The following CYP2B6 variants were observed in gnomAD, a reference collection of about 807,000 sequenced individuals.
CYP2B6 encodes the protein cytochrome P450 family 2 subfamily B member 6, also known as cytochrome P450 2B6.
In CYP2B6, 35 loss-of-function variants were observed where a neutral mutation model predicts 43.4. The observed-to-expected ratio is 0.81, with a 90% CI of 0.62 to 1.07. The LOEUF is 1.07. Among genes scored for constraint, CYP2B6 ranks in the 50% least tolerant of loss-of-function variants. CYP2B6 has a pLI of 0.00. For synonymous variants in CYP2B6, 239 were observed against 239.2 expected (o/e 1.00, Z 0.01); for missense variants, 624 against 632.8 (o/e 0.99, Z 0.15).
At chr19:41,014,210 C>T (rs1006236081) in intron 8 of CYP2B6, among the ~76,000 whole-genome samples, 3 of 152,254 alleles carry the variant, frequency 2.0e-5, no homozygotes, top group African/African-American at 4.8e-5. Flanking sequence ...AGTACAGTGA[C>T]CTCCTTCCAC....
At chr19:41,014,655 C>T (rs1969333738) in intron 8 of CYP2B6, among the ~76,000 whole-genome samples, 2 of 151,882 alleles carry the variant, frequency 1.3e-5, no homozygotes, top group Admixed American at 6.6e-5. Flanking sequence ...AGGACAGAGA[C>T]AGATAAGTAA....
At chr19:41,009,686 G>A (rs1448190302) in intron 5 of CYP2B6, 7 of 600,282 alleles carry the variant, frequency 1.2e-5, no homozygotes, top group Middle Eastern at 8.9e-4. Flanking sequence ...GGAATTCGGG[G>A]CAAGGGACAA....
chr19:40,999,525 G>T (rs1484002167), intron 1 of CYP2B6, among the ~76,000 whole-genome samples: 2 of 151,992 alleles, frequency 1.3e-5, no homozygotes, highest in Non-Finnish European at 1.5e-5. Flanking sequence ...GTAATGCCTA[G>T]GTTTTCTTCT....
In CYP2B6 at chr19:41,012,473, C is replaced by T. The variant is rs374509631; in HGVS notation, c.1140C>T (p.Tyr380=). ...CCCAACACACCAGCTTCCGAGGGTA[C>T]ATCATCCCCAAGGTAAGACCGGCTG... The part of the protein sequence containing the change: ...IVTQHTSFRG[Y]IIPKDTEVFL... The change falls in exon 7 of 9, where the codon TAC becomes TAT. Residue 380 remains tyrosine (Y), a synonymous_variant. Transcript: ENST00000324071. 123 of 1,614,002 alleles carry T rather than the reference C, an allele frequency of 7.6e-5. No homozygotes were observed. Among genetic ancestry groups the T allele is most frequent in the Non-Finnish European group, 1.0e-4 (120 of 1,179,976 alleles).
intron 1 of CYP2B6, among the ~76,000 whole-genome samples, chr19:40,992,416 T>A (rs1469241988): frequency 2.6e-5 from 4 of 152,082 alleles, no homozygotes; most frequent in African/African-American, 9.7e-5. Context: ...CAATGGACAA[T>A]GTCAACGTAG....
At chr19:41,002,610 C>A (rs1204624203) in intron 1 of CYP2B6, among the ~76,000 whole-genome samples, 1 of 152,100 alleles carries the variant, frequency 6.6e-6, no homozygotes, top group Non-Finnish European at 1.5e-5. Flanking sequence ...TGCAGTGGCA[C>A]TATCTCGCCT....
chr19:41,009,861 A>C, intron 5 of CYP2B6, 133 bp from the exon 6 acceptor site: 6 of 982,336 alleles, frequency 6.1e-6, no homozygotes, highest in Non-Finnish European at 6.3e-6. Context: ...TGTAGAGGAC[A>C]GAGAAAAGCA....
chr19:41,012,581 C>G, intron 7 of CYP2B6, 93 bp from the exon 8 acceptor site: 1 of 1,609,294 alleles, frequency 6.2e-7, no homozygotes, highest in Non-Finnish European at 8.5e-7. Context: ...TAATTGAGTC[C>G]CGTTGTTTTT....
At position 41,000,224 on chromosome 19, in the gene CYP2B6, A is replaced by G. The variant is rs771185088; in HGVS notation, c.172-3777A>G. On this transcript the variant is annotated intron_variant, in intron 1 of 8. Transcript: ENST00000324071. ...CCAGGTCCCCATCATATGCTCTCAT[A>G]CACCAGCTGCCCCTCCTTACTGAGC... Among the ~76,000 whole-genome samples, 4 of 152,072 alleles carry G rather than the reference A, an allele frequency of 2.6e-5. No individual in the cohort carries two copies. In the South Asian group the frequency reaches 8.3e-4, roughly 32 times the overall value.
intron 8 of CYP2B6, 79 bp downstream of exon 8, chr19:41,012,894 A>G (rs182855196): frequency 6.7e-7 from 1 of 1,501,018 alleles, no homozygotes; most frequent in Non-Finnish European, 9.2e-7. Flanking sequence ...AACGAGAGAT[A>G]CTGATTATTT....
chr19:41,016,120 C>T (rs1488423258), intron 8 of CYP2B6, among the ~76,000 whole-genome samples: 3 of 151,934 alleles, frequency 2.0e-5, no homozygotes, highest in African/African-American at 7.3e-5. Context: ...AACATGGCGC[C>T]GGGTGCAGTG....
chr19:41,011,502 C>T (rs555376772), intron 6 of CYP2B6, among the ~76,000 whole-genome samples: 4 of 152,192 alleles, frequency 2.6e-5, no homozygotes, highest in Admixed American at 1.3e-4. Context: ...ATTCATCAAT[C>T]TTTCCATCCA....
intron 3 of CYP2B6, among the ~76,000 whole-genome samples, chr19:41,004,964 TC>T: frequency 6.6e-6 from 1 of 152,122 alleles, no homozygotes; most frequent in South Asian, 2.1e-4. Flanking sequence ...ACCACTGCAC[TC>T]CAGCCTGGAC....
At position 41,012,684 on chromosome 19, in the gene CYP2B6, T is replaced by C; in HGVS notation, c.1163T>C (p.Val388Ala). 6.2e-7 allele frequency: 1 copy of C among 1,614,068 alleles called. No individual in the cohort carries two copies. The highest frequency in any genetic ancestry group is 8.5e-7 in the Non-Finnish European group (1 of 1,180,020). ...GTGATCCTCCCTCAGGACACAGAAGTATTTCTCATCCTGAGCACTGCTCTC... is the reference window on the plus strand; with the variant it reads ...GTGATCCTCCCTCAGGACACAGAAGCATTTCTCATCCTGAGCACTGCTCTC... ...RGYIIPKDTE[V>A]FLILSTALHD... The change falls in exon 8 of 9, where the codon GTA (valine) becomes GCA (alanine). Residue 388 changes from valine (V) to alanine (A), a missense_variant. By Grantham distance (64) the Val-to-Ala change is moderately conservative. Transcript: ENST00000324071.
chr19:41,003,856 G>A (rs1418560010), intron 1 of CYP2B6, 145 bp from the exon 2 acceptor site: 4 of 1,052,500 alleles, frequency 3.8e-6, no homozygotes, highest in Non-Finnish European at 5.8e-6. Flanking sequence ...CTTAATTGCT[G>A]GGTCCCAGCA....
chr19:41,007,139 T>C, intron 4 of CYP2B6, 74 bp downstream of exon 4: 2 of 1,446,788 alleles, frequency 1.4e-6, no homozygotes, highest in East Asian at 4.6e-5. Context: ...AAGGATGACC[T>C]GTCTTGGGGG....
Sources: gnomAD v4.1 joint callset for allele counts (sites outside exome capture counted in the v4.1 genomes callset) on GRCh38, gnomAD v4.1.1 for gene constraint, MANE v1.5 for transcripts, NCBI Gene and HGNC (gene_info 2026-07-23, HGNC 2026-07-21) for gene names.